Variants in DNAH3 observed in about 807,000 individuals in gnomAD.
DNAH3 encodes the protein dynein axonemal heavy chain 3, also known as axonemal beta dynein heavy chain 3.
A neutral mutation model predicts 432.5 loss-of-function variants in DNAH3; 332 were observed. The observed-to-expected ratio is 0.77, with a 90% CI of 0.70 to 0.84. The LOEUF (loss-of-function observed/expected upper bound fraction) is 0.84, where lower values mean the gene tolerates loss of function less well. Among genes scored for constraint, DNAH3 ranks in the 40% least tolerant of loss-of-function variants. The pLI is 0.00. For missense variants in DNAH3, 4,861 were observed against 5,114.0 expected (o/e 0.95, Z 1.51); for synonymous variants, 1,956 against 1,900.2 (o/e 1.03, Z -0.76).
chr16:21,127,966 T>A (rs1035070196), intron 7 of DNAH3, among the ~76,000 whole-genome samples, 154 bp from the exon 9 acceptor site: 1 of 152,000 alleles, frequency 6.6e-6, no homozygotes, highest in Non-Finnish European at 1.5e-5. Context: ...GAGGAGGATA[T>A]GGGAGGCTGA....
intron 57 of DNAH3, 55 bp downstream of exon 57, chr16:20,948,428 A>AGAGAT: frequency 1.3e-6 from 2 of 1,572,108 alleles, no homozygotes; most frequent in South Asian, 2.3e-5. Flanking sequence ...GTAGCCATAT[A>AGAGAT]GAGATGACGG....
At chr16:21,104,592 C>T in intron 15 of DNAH3, 1 of 1,561,614 alleles carries the variant, frequency 6.4e-7, no homozygotes, top group South Asian at 1.1e-5. Flanking sequence ...TTGATGTCCT[C>T]ATCTGCAAAA....
intron 47 of DNAH3, among the ~76,000 whole-genome samples, chr16:20,986,429 C>A (rs1463409209): frequency 6.6e-6 from 1 of 152,008 alleles, no homozygotes; most frequent in Non-Finnish European, 1.5e-5. Context: ...ACTGCTTGAG[C>A]CCAGGAGCTT....
At chr16:21,042,572 T>G (rs988237113) in intron 31 of DNAH3, among the ~76,000 whole-genome samples, 8 of 152,200 alleles carry the variant, frequency 5.3e-5, no homozygotes, top group African/African-American at 1.4e-4. Flanking sequence ...TGATGCATCT[T>G]TTGTACTTCT....
chr16:21,159,235 A>AC, intron 1 of DNAH3: 3 of 1,158,694 alleles, frequency 2.6e-6, no homozygotes, highest in Non-Finnish European at 2.6e-6. Flanking sequence ...GGGCTTCTTT[A>AC]CCCCCAAATT....
intron 40 of DNAH3, among the ~76,000 whole-genome samples, chr16:21,020,694 G>A (rs903375402): frequency 7.9e-5 from 12 of 151,768 alleles, no homozygotes; most frequent in Admixed American, 3.9e-4. Flanking sequence ...GTGAGAGACC[G>A]CACCCGGCCT....
chr16:21,111,955 T>C (rs773454610), intron 13 of DNAH3, 38 bp downstream of exon 13: 3 of 1,574,798 alleles, frequency 1.9e-6, no homozygotes, highest in Admixed American at 3.4e-5. Context: ...CTGCAGCACA[T>C]GTCACCAAGG....
At position 21,122,144 on chromosome 16, in the gene DNAH3, G is replaced by A; in HGVS notation, c.1405-20C>T. On this transcript the variant is annotated intron_variant, in intron 9 of 61. Coordinates refer to ENST00000261383, the Ensembl canonical transcript of DNAH3. ...CCCATCCTTCAGGAGACATAAGGTAGGGCAAGCGTTACAAAATTGGGCCTT... is the reference window on the plus strand; with the variant it reads ...CCCATCCTTCAGGAGACATAAGGTAAGGCAAGCGTTACAAAATTGGGCCTT... 1 of 1,579,640 alleles carries A rather than the reference G, an allele frequency of 6.3e-7. No homozygotes were observed. The highest frequency in any genetic ancestry group is 8.6e-7 in the Non-Finnish European group (1 of 1,165,480).
intron 41 of DNAH3, among the ~76,000 whole-genome samples, chr16:21,006,874 G>T (rs2087330729): frequency 6.6e-6 from 1 of 152,026 alleles, no homozygotes; most frequent in Admixed American, 6.6e-5. Context: ...CGGGGTTTTT[G>T]CTATGTTGCC....
chr16:21,028,891 T>A (rs2088720253), intron 37 of DNAH3, among the ~76,000 whole-genome samples: 1 of 152,196 alleles, frequency 6.6e-6, no homozygotes. Flanking sequence ...CATCCTAATT[T>A]GTGATTAAAA....
At chr16:21,159,141 G>T (rs758991731) in intron 1 of DNAH3, among the ~76,000 whole-genome samples, 3 of 151,834 alleles carry the variant, frequency 2.0e-5, no homozygotes, top group Non-Finnish European at 4.4e-5. Flanking sequence ...TATTGAAAAC[G>T]GGCGCCTTCC....
rs1567529154 is a variant in DNAH3, at chr16:20,959,415, G to A, written c.10601-11C>T. ...CAAACTTCAGCAGGCCTGAGACCAG[G>A]AAGAAAGGAGGCTTTTGAAAGACGA... On this transcript the variant is annotated splice_polypyrimidine_tract_variant and intron_variant, in intron 53 of 61. Coordinates refer to ENST00000261383, the Ensembl canonical transcript of DNAH3. The A allele has an allele frequency of 1.2e-6, 2 of 1,606,616 alleles. No homozygotes were observed. Among genetic ancestry groups the A allele is most frequent in the Non-Finnish European group, 1.7e-6 (2 of 1,173,748 alleles).
intron 16 of DNAH3, among the ~76,000 whole-genome samples, chr16:21,103,355 G>T (rs936565584): frequency 3.2e-5 from 3 of 93,946 alleles, no homozygotes; most frequent in South Asian, 4.1e-4. Flanking sequence ...GTGTGTGTGT[G>T]GGGGGGGGCA....
At chr16:21,042,839 G>A (rs330148) in intron 31 of DNAH3, among the ~76,000 whole-genome samples, 73,064 of 151,650 alleles carry the variant, frequency 0.48, 17,681 homozygotes, top group South Asian at 0.55. Flanking sequence ...ACCCCACAAC[G>A]GTCCCCAGAG....
intron 54 of DNAH3, among the ~76,000 whole-genome samples, chr16:20,956,186 C>G (rs540940145): frequency 3.9e-5 from 6 of 152,142 alleles, no homozygotes; most frequent in Non-Finnish European, 5.9e-5. Context: ...CCTCGGCCCC[C>G]CAAAGTGCTA....
chr16:20,938,213 T>G (rs1391429089), intron 59 of DNAH3, among the ~76,000 whole-genome samples: 2 of 151,880 alleles, frequency 1.3e-5, no homozygotes, highest in East Asian at 3.9e-4. Flanking sequence ...CCAACATGGT[T>G]AAACCCCGTC....
chr16:21,068,626 T>C (rs2090664949), intron 23 of DNAH3, among the ~76,000 whole-genome samples: 1 of 152,178 alleles, frequency 6.6e-6, no homozygotes, highest in African/African-American at 2.4e-5. Context: ...AGGCAGCAAA[T>C]TCTATGAAGA....
rs746569650 is a variant in DNAH3, at chr16:20,987,462, G to A, written c.6883-14C>T. 1.2e-6 allele frequency: 2 copies of A among 1,613,656 alleles called. No homozygotes were observed. The highest frequency in any genetic ancestry group is 3.3e-5 in the Admixed American group (2 of 59,942). On this transcript the variant is annotated splice_polypyrimidine_tract_variant and intron_variant, in intron 46 of 61. Transcript: ENST00000261383. ...TTTTTCTACATCCTAAAAATCCAGA[G>A]TTAATTATTCAAACGAGTGGAAGAT...
intron 41 of DNAH3, among the ~76,000 whole-genome samples, chr16:21,012,243 G>A (rs943259603): frequency 6.6e-5 from 10 of 152,162 alleles, no homozygotes; most frequent in African/African-American, 2.4e-4. Context: ...TGATGGTTAT[G>A]GGAGCCAGAA....
Sources: allele counts gnomAD v4.1 joint callset (sites outside exome capture counted in the v4.1 genomes callset), GRCh38; gene constraint gnomAD v4.1.1; transcripts MANE v1.5; gene names NCBI Gene and HGNC (gene_info 2026-07-23, HGNC 2026-07-21).